PCNX2: variants seen among roughly 807,000 people sequenced by gnomAD.
PCNX2 encodes the protein pecanex 2.
In PCNX2, 168 loss-of-function variants were observed where a neutral mutation model predicts 223.8. The observed-to-expected ratio is 0.75, with a 90% confidence interval of 0.66 to 0.85. PCNX2 has a LOEUF of 0.85. Among genes scored for constraint, PCNX2 ranks in the 40% least tolerant of loss-of-function variants. The pLI is 0.00. For missense variants in PCNX2, 2,507 were observed against 2,675.5 expected (o/e 0.94, Z 1.39); for synonymous variants, 1,006 against 1,052.6 (o/e 0.96, Z 0.86).
At chr1:233,204,133 A>C (rs1283297819) in intron 13 of PCNX2, among the ~76,000 whole-genome samples, 1 of 152,192 alleles carries the variant, frequency 6.6e-6, no homozygotes, top group Non-Finnish European at 1.5e-5. Flanking sequence ...TGAGGCCCTT[A>C]GGGTCCATCT....
intron 19 of PCNX2, among the ~76,000 whole-genome samples, chr1:233,142,323 T>G (rs1382213282): frequency 1.3e-5 from 2 of 152,192 alleles, no homozygotes; most frequent in African/African-American, 2.4e-5. Context: ...AGCAACTGTC[T>G]TTGACCTCCA....
chr1:233,204,039 A>G (rs1299586032), intron 13 of PCNX2, among the ~76,000 whole-genome samples: 8 of 152,194 alleles, frequency 5.3e-5, no homozygotes, highest in African/African-American at 1.9e-4. Flanking sequence ...ATGTTCCCAC[A>G]AAAGATGTTG....
chr1:233,013,773 C>T, intron 28 of PCNX2, among the ~76,000 whole-genome samples: 1 of 152,164 alleles, frequency 6.6e-6, no homozygotes, highest in East Asian at 1.9e-4. Flanking sequence ...ACTGACATCA[C>T]CTGAGAGCTT....
At chr1:233,172,401 T>C in intron 17 of PCNX2, 1 of 985,452 alleles carries the variant, frequency 1.0e-6, no homozygotes, top group Non-Finnish European at 1.2e-6. Flanking sequence ...TCTAGTTGTT[T>C]GAACTTGTGC....
rs765325896 is a variant in PCNX2 at position 233,000,380 on chromosome 1, G to A, written c.5253C>T (p.His1751=). 20 of 1,612,906 alleles carry A rather than the reference G, an allele frequency of 1.2e-5. No homozygotes were observed. The East Asian group carries it at 1.3e-4, about 11-fold the overall frequency. ...ACTCGTCGGCACCCTCGTCCACCAC[G>A]TGCCGCAGGGTGAGCAGCTCTTCCT... ...SNKEELLTLR[H]VVDEGADEYK... The change falls in exon 30 of 34, where the codon CAC becomes CAT. Residue 1751 remains histidine, a synonymous_variant. Coordinates refer to ENST00000258229, the MANE Select transcript of PCNX2 (RefSeq NM_014801.4). The surrounding 1 kb of genome is among the most constrained non-coding windows in gnomAD (Gnocchi z 4.6).
chr1:233,123,947 G>C (rs1490618180), intron 21 of PCNX2, among the ~76,000 whole-genome samples: 1 of 152,148 alleles, frequency 6.6e-6, no homozygotes, highest in Non-Finnish European at 1.5e-5. Context: ...GGAAGTTAAT[G>C]TGTAAGTTTT....
At chr1:233,320,362 T>C in the PCNX2 span, among the ~76,000 whole-genome samples, 1 of 152,280 alleles carries the variant, frequency 6.6e-6, no homozygotes. Flanking sequence ...TGTGTGTGTG[T>C]GTGTGTGTGT....
intron 1 of PCNX2, among the ~76,000 whole-genome samples, chr1:233,268,301 G>C (rs968191796): frequency 6.6e-6 from 1 of 152,114 alleles, no homozygotes; most frequent in Non-Finnish European, 1.5e-5. Context: ...CAGGCCAATG[G>C]GTTTTGCCTC....
At chr1:233,132,270 C>T (rs1288150298) in intron 21 of PCNX2, among the ~76,000 whole-genome samples, 9 of 152,250 alleles carry the variant, frequency 5.9e-5, no homozygotes, top group Middle Eastern at 3.4e-3. Context: ...GCCTAGATCA[C>T]GTCCTTGTCA....
At position 232,984,331 on chromosome 1, in the gene PCNX2, C is replaced by T. The variant is rs536208418; in HGVS notation, c.6387G>A (p.Ser2129=). ...QEDMGLDDTA[S]QQSVSDEQ Reference sequence around the variant, plus strand: ...ACTGCTCGTCTGACACACTTTGCTGCGAGGCCGTGTCGTCCAGGCCCATGT... The same window carrying T: ...ACTGCTCGTCTGACACACTTTGCTGTGAGGCCGTGTCGTCCAGGCCCATGT... The change falls in exon 34 of 34, where the codon TCG becomes TCA. Residue 2129 remains serine, a synonymous_variant. Transcript: ENST00000258229. 7 of 1,609,500 alleles carry T rather than the reference C, an allele frequency of 4.3e-6. No homozygotes were observed. The highest frequency in any genetic ancestry group is 1.7e-5 in the Admixed American group (1 of 59,496).
chr1:233,239,277 C>G (rs73109299), intron 8 of PCNX2, among the ~76,000 whole-genome samples: 11,411 of 152,198 alleles, frequency 0.075, 1,315 homozygotes, highest in African/African-American at 0.25. Flanking sequence ...TAAGAATTGA[C>G]TACGACATAA....
intron 8 of PCNX2, among the ~76,000 whole-genome samples, chr1:233,245,788 C>T (rs1015017448): frequency 6.6e-6 from 1 of 151,986 alleles, no homozygotes; most frequent in East Asian, 1.9e-4. Flanking sequence ...TGGTGGCGCG[C>T]GCCTGTAATC....
At chr1:233,112,239 G>T (rs1675155845) in intron 21 of PCNX2, among the ~76,000 whole-genome samples, 2 of 152,148 alleles carry the variant, frequency 1.3e-5, no homozygotes, top group Admixed American at 1.3e-4. Flanking sequence ...GGTTCCAAAT[G>T]TACATCCTAT....
At position 233,253,493 on chromosome 1, in the gene PCNX2, T is replaced by C. The variant is rs1012717164; in HGVS notation, c.1835-705A>G. Among the ~76,000 whole-genome samples, 4 of 152,180 alleles carry C rather than the reference T, an allele frequency of 2.6e-5. No homozygotes were observed. The highest frequency in any genetic ancestry group is 9.7e-5 in the African/African-American group (4 of 41,442). On this transcript the variant is annotated intron_variant, in intron 5 of 33. Coordinates refer to ENST00000258229, the MANE Select transcript of PCNX2 (RefSeq NM_014801.4). The surrounding 1 kb of genome is among the most constrained non-coding windows in gnomAD (Gnocchi z 4.2). ...CCAAGCAGCTGGGATGACAGGCACA[T>C]GCCACTACATCCAGCTAATTTTTTA...
chr1:233,129,640 C>T (rs1365421999), intron 21 of PCNX2, among the ~76,000 whole-genome samples: 1 of 152,186 alleles, frequency 6.6e-6, no homozygotes, highest in African/African-American at 2.4e-5. Flanking sequence ...GTAAACACAC[C>T]AATCAGCACC....
chr1:233,156,112 A>G (rs1052890034), intron 19 of PCNX2, among the ~76,000 whole-genome samples: 1 of 152,222 alleles, frequency 6.6e-6, no homozygotes, highest in African/African-American at 2.4e-5. Flanking sequence ...AATATTGGTG[A>G]AACAGCATAT....
chr1:233,272,338 GA>G lies in PCNX2; in HGVS notation c.154-9176del, dbSNP rs1572184836. ...CCATCAAAAAATGGGCTAAGAACAT[GA>G]ATAGACAATTATCAAAAGAAGATAT... On this transcript the variant is annotated intron_variant, in intron 1 of 33. Coordinates refer to ENST00000258229, the MANE Select transcript of PCNX2 (RefSeq NM_014801.4). 2.0e-5 allele frequency among the ~76,000 whole-genome samples: 3 copies of G among 149,970 alleles called. No homozygotes were observed. The East Asian group carries it at 5.8e-4, about 29-fold the overall frequency.
In PCNX2 at chr1:233,208,585, A is replaced by T. The variant is rs1681625262; in HGVS notation, c.2796T>A (p.Ser932Arg). 5 of 1,613,822 alleles carry T rather than the reference A, an allele frequency of 3.1e-6. No individual in the cohort carries two copies. The African/African-American group carries it at 6.7e-5, about 22-fold the overall frequency. Residue 932 changes from serine (S) to arginine (R), a missense_variant, in exon 13 of 34, where the codon AGT becomes AGA. Ser to Arg is a moderately radical substitution (Grantham distance 110, BLOSUM62 -1). Coordinates refer to ENST00000258229, the MANE Select transcript of PCNX2 (RefSeq NM_014801.4). ...AGAGCTTCAGGCCATACACAACGTA[A>T]CTGGGAGGGTGCCTGGCTTTGGCCC... is the stretch of plus-strand genomic sequence containing the variant. ...DTGAKARHPP[S>R]YVVYGLKLFS...
upstream of PCNX2, among the ~76,000 whole-genome samples, chr1:233,296,243 C>T (rs1017365487): frequency 1.3e-5 from 2 of 152,158 alleles, no homozygotes; most frequent in Admixed American, 6.5e-5. Flanking sequence ...TGACCCCAGA[C>T]GTTCTATTAA....
Sources: allele counts gnomAD v4.1 joint callset (sites outside exome capture counted in the v4.1 genomes callset), GRCh38; gene constraint gnomAD v4.1.1; non-coding constraint Gnocchi (gnomAD v3.1); transcripts MANE v1.5; gene names NCBI Gene and HGNC (gene_info 2026-07-23, HGNC 2026-07-21).